The following VAV2 variants were observed in gnomAD, a reference collection of about 807,000 sequenced individuals.
VAV2 encodes vav guanine nucleotide exchange factor 2.
VAV2 carries 67 observed loss-of-function variants against 132.5 expected under a neutral mutation model. The ratio of observed to expected loss-of-function variants is 0.51; its 90% CI spans 0.42 to 0.62. VAV2 has a LOEUF of 0.62. Ranked by LOEUF, VAV2 falls within the 20% of genes least tolerant of loss-of-function variation. The probability of loss-of-function intolerance (pLI) is 0.00; values close to 1 mark genes in which losing one functional copy is unlikely to be tolerated. For missense variants in VAV2, 938 were observed against 1,153.6 expected (o/e 0.81, Z 2.71); for synonymous variants, 492 against 443.5 (o/e 1.11, Z -1.37).
intron 2 of VAV2, among the ~76,000 whole-genome samples, chr9:133,930,273 C>T (rs1215351578): frequency 6.6e-6 from 1 of 151,104 alleles, no homozygotes; most frequent in African/African-American, 2.4e-5. Context: ...TCACTACCCT[C>T]CCTGCCTCCA....
chr9:133,858,338 T>C (rs908024438), intron 3 of VAV2, among the ~76,000 whole-genome samples: 2 of 152,182 alleles, frequency 1.3e-5, no homozygotes, highest in Non-Finnish European at 2.9e-5. Context: ...GGACCCGCAC[T>C]CCAGGGCTTG....
intron 21 of VAV2, 30 bp downstream of exon 21, chr9:133,779,888 T>C (rs757490370): frequency 1.6e-5 from 25 of 1,608,558 alleles, no homozygotes; most frequent in African/African-American, 2.7e-5. Context: ...ACATGGGTGA[T>C]AGCAGAGGGC....
At chr9:133,815,813 G>T (rs75918473) in intron 4 of VAV2, among the ~76,000 whole-genome samples, 1 of 152,088 alleles carries the variant, frequency 6.6e-6, no homozygotes, top group Non-Finnish European at 1.5e-5. Context: ...TGTGGTGGGT[G>T]GGGGGTTACA....
At chr9:133,849,933 G>A (rs2131834620) in intron 3 of VAV2, among the ~76,000 whole-genome samples, 1 of 152,294 alleles carries the variant, frequency 6.6e-6, no homozygotes, top group Middle Eastern at 3.4e-3. Context: ...ATCCAATACA[G>A]TCCCATTCAC....
intron 2 of VAV2, among the ~76,000 whole-genome samples, chr9:133,901,089 C>T (rs986798763): frequency 1.3e-5 from 2 of 151,720 alleles, no homozygotes; most frequent in African/African-American, 4.8e-5. Flanking sequence ...CATGAGCCAC[C>T]GTGCCCAGCC....
rs190261790 is a variant in VAV2, at chr9:133,817,706, A to C, written c.450-5490T>G. On this transcript the variant is annotated intron_variant, in intron 4 of 29. Coordinates refer to ENST00000371850, the MANE Select transcript of VAV2 (RefSeq NM_001134398.2). The stretch of plus-strand genomic sequence containing the variant: ...TCTGCCGTGTGCAACTTTTTAATCA[A>C]GCTGATCCAGCGAGTAGAGTGTTCA... Among the ~76,000 whole-genome samples, 211 of 152,314 alleles carry C rather than the reference A, an allele frequency of 1.4e-3. 2 individuals carry two copies. The highest frequency in any genetic ancestry group is 4.7e-3 in the African/African-American group (197 of 41,560).
intron 1 of VAV2, among the ~76,000 whole-genome samples, chr9:133,953,790 C>T (rs542858604): frequency 1.4e-4 from 22 of 152,254 alleles, no homozygotes; most frequent in African/African-American, 4.8e-4. Flanking sequence ...CCCATGACCC[C>T]GGCTCCCAGG....
At chr9:133,978,847 G>A (rs1330477159) in intron 1 of VAV2, among the ~76,000 whole-genome samples, 2 of 152,248 alleles carry the variant, frequency 1.3e-5, no homozygotes, top group African/African-American at 2.4e-5. Flanking sequence ...AAGCCAAACA[G>A]CGTCCCCAGC....
In VAV2 at chr9:133,824,351, G is replaced by A. The variant is rs777000159; in HGVS notation, c.449+9921C>T. Among the ~76,000 whole-genome samples the A allele has an allele frequency of 1.1e-4, 17 of 151,992 alleles. No individual in the cohort carries two copies. Among genetic ancestry groups the A allele is most frequent in the Middle Eastern group, 3.4e-3 (1 of 294 alleles). On this transcript the variant is annotated intron_variant, in intron 4 of 29. Transcript: ENST00000371850. The surrounding 1 kb of genome is among the most constrained non-coding windows in gnomAD (Gnocchi z 5.2). ...CCAGGTCCACCAGCCCTCAGTTCCC[G>A]AGAACAGACACAGCAGAGACCAGGA...
chr9:133,928,397 T>C lies in VAV2; in HGVS notation c.321+10706A>G, dbSNP rs1054376433. Among the ~76,000 whole-genome samples, 2 of 152,184 alleles carry C rather than the reference T, an allele frequency of 1.3e-5. No individual in the cohort carries two copies. Among genetic ancestry groups the C allele is most frequent in the Admixed American group, 6.5e-5 (1 of 15,290 alleles). ...CCTGCGCCGGGCTCTGCCGGGAGCC[T>C]GAGGCAGCTCCCCACCCCAGCGAGG... On this transcript the variant is annotated intron_variant, in intron 2 of 29. Transcript: ENST00000371850. This position sits in a 1 kb window ranked among gnomAD's most constrained non-coding sequence, Gnocchi z 5.4.
At chr9:133,891,516 G>A (rs1241254444) in intron 2 of VAV2, among the ~76,000 whole-genome samples, 4 of 35,426 alleles carry the variant, frequency 1.1e-4, no homozygotes, top group Non-Finnish European at 2.5e-4. Context: ...AGGATGGAGG[G>A]GAGGCATGGA....
chr9:133,968,321 T>C (rs117016682), intron 1 of VAV2, among the ~76,000 whole-genome samples: 4,152 of 152,158 alleles, frequency 0.027, 81 homozygotes, highest in Middle Eastern at 0.055. Context: ...CCATAAACAA[T>C]GGCATATGTG....
chr9:133,969,803 A>G lies in VAV2; in HGVS notation c.204+22272T>C, dbSNP rs536482247. Among the ~76,000 whole-genome samples the G allele has an allele frequency of 3.6e-4, 54 of 151,080 alleles. No individual in the cohort carries two copies. The highest frequency in any genetic ancestry group is 6.3e-4 in the South Asian group (3 of 4,750). On this transcript the variant is annotated intron_variant, in intron 1 of 29. Transcript: ENST00000371850. The surrounding 1 kb of genome is among the most constrained non-coding windows in gnomAD (Gnocchi z 5.1). ...CCCACCCCCCAGCCTGGACACCCCC[A>G]TCTGCCTCTGCCCCAGCCTCTGGGG...
At chr9:133,856,825 A>G (rs551717696) in intron 3 of VAV2, among the ~76,000 whole-genome samples, 1 of 151,750 alleles carries the variant, frequency 6.6e-6, no homozygotes, top group Non-Finnish European at 1.5e-5. Context: ...CCTTTTTCTG[A>G]CTCTGACCTT....
chr9:133,848,182 AG>A (rs1837017714), intron 3 of VAV2, among the ~76,000 whole-genome samples: 1 of 147,436 alleles, frequency 6.8e-6, no homozygotes, highest in Non-Finnish European at 1.5e-5. Context: ...CGGGAGGCTG[AG>A]GCAGGAGAAT....
In VAV2 at chr9:133,824,016, A is replaced by G. The variant is rs539965998; in HGVS notation, c.449+10256T>C. 6.6e-6 allele frequency among the ~76,000 whole-genome samples: 1 copy of G among 152,152 alleles called. No individual in the cohort carries two copies. The highest frequency in any genetic ancestry group is 2.1e-4 in the South Asian group (1 of 4,800). On this transcript the variant is annotated intron_variant, in intron 4 of 29. Transcript: ENST00000371850. This position sits in a 1 kb window ranked among gnomAD's most constrained non-coding sequence, Gnocchi z 5.2. ...GGGAGCAGGGTTTCGAGGTCACTGA[A>G]GCCCCCAGCCACGTGGCAGCAGGGC...
rs1588250301 is a variant in VAV2 at position 133,839,141 on chromosome 9, T to A, written c.381-4801A>T. On this transcript the variant is annotated intron_variant, in intron 3 of 29. Coordinates refer to ENST00000371850, the MANE Select transcript of VAV2 (RefSeq NM_001134398.2). ...GTAGCTAGATGGGTAAATGGCTGGG[T>A]TGGTGGGATGGGTGGATGAGTGGTA... is the stretch of plus-strand genomic sequence containing the variant. Among the ~76,000 whole-genome samples the A allele has an allele frequency of 6.0e-5, 9 of 149,616 alleles. No homozygotes were observed. In the South Asian group the frequency reaches 1.7e-3, roughly 28 times the overall value.
intron 3 of VAV2, among the ~76,000 whole-genome samples, chr9:133,835,911 G>C (rs750648394): frequency 6.6e-6 from 1 of 152,190 alleles, no homozygotes; most frequent in African/African-American, 2.4e-5. Flanking sequence ...GCGCAGCACG[G>C]CCAGGCCTGA....
rs900576665 is a variant in VAV2, at chr9:133,857,907, C to T, written c.380+3467G>A. 1.9e-4 allele frequency among the ~76,000 whole-genome samples: 29 copies of T among 152,210 alleles called. No homozygotes were observed. Among genetic ancestry groups the T allele is most frequent in the African/African-American group, 7.0e-4 (29 of 41,456 alleles). On this transcript the variant is annotated intron_variant, in intron 3 of 29. Coordinates refer to ENST00000371850, the MANE Select transcript of VAV2 (RefSeq NM_001134398.2). The surrounding 1 kb of genome is among the most constrained non-coding windows in gnomAD (Gnocchi z 4.0). ...GGAGAAGGGCAGGAAAGCCAGGCCC[C>T]GGGGAGGAGGGCCTGCAGAGGTCTT...
Sources: allele counts gnomAD v4.1 joint callset (sites outside exome capture counted in the v4.1 genomes callset), GRCh38; gene constraint gnomAD v4.1.1; non-coding constraint Gnocchi (gnomAD v3.1); transcripts MANE v1.5; gene names NCBI Gene and HGNC (gene_info 2026-07-23, HGNC 2026-07-21).